RNF13: variants seen among roughly 807,000 people sequenced by gnomAD.
The protein encoded by RNF13 is E3 ubiquitin-protein ligase RNF13.
RNF13 carries 19 observed loss-of-function variants against 37.7 expected under a neutral mutation model. The observed-to-expected ratio is 0.50, with a 90% CI of 0.35 to 0.74. RNF13 has a LOEUF of 0.74. Ranked by LOEUF, RNF13 falls within the 30% of genes least tolerant of loss-of-function variation. The pLI, the probability that RNF13 is intolerant of heterozygous loss-of-function variation, is 0.01. For missense variants in RNF13, 375 were observed against 453.0 expected (o/e 0.83, Z 1.56); for synonymous variants, 144 against 157.8 (o/e 0.91, Z 0.65).
At chr3:149,836,258 C>A (rs1302761816) in intron 1 of RNF13, among the ~76,000 whole-genome samples, 1 of 151,906 alleles carries the variant, frequency 6.6e-6, no homozygotes, top group Admixed American at 6.6e-5. Context: ...TGGCAAAAAA[C>A]CAAGCAACCC....
At chr3:149,902,528 A>G (rs191185751) in intron 6 of RNF13, among the ~76,000 whole-genome samples, 90 of 152,240 alleles carry the variant, frequency 5.9e-4, no homozygotes, top group African/African-American at 2.1e-3. Context: ...TATATATTAT[A>G]AACACAGAAT....
chr3:149,926,181 T>G (rs924717859), intron 8 of RNF13, among the ~76,000 whole-genome samples: 7 of 152,186 alleles, frequency 4.6e-5, no homozygotes, highest in African/African-American at 1.7e-4. Context: ...TTGCCTTTCA[T>G]GGTAGTATTC....
chr3:149,834,058 A>G (rs1313090734), intron 1 of RNF13, among the ~76,000 whole-genome samples: 2 of 152,208 alleles, frequency 1.3e-5, no homozygotes, highest in African/African-American at 2.4e-5. Flanking sequence ...AATTAAACCA[A>G]GGAGGTGGAA....
intron 4 of RNF13, among the ~76,000 whole-genome samples, chr3:149,873,607 C>T (rs935024371): frequency 6.6e-6 from 1 of 152,136 alleles, no homozygotes; most frequent in Non-Finnish European, 1.5e-5. Flanking sequence ...TACATTTGTG[C>T]CTTTACATGT....
intron 8 of RNF13, among the ~76,000 whole-genome samples, chr3:149,938,547 A>G (rs1719939634): frequency 6.6e-6 from 1 of 150,600 alleles, no homozygotes; most frequent in African/African-American, 2.5e-5. Context: ...TCTATCTGTG[A>G]TGATTTTTCT....
chr3:149,890,599 A>G (rs894973522), intron 4 of RNF13, among the ~76,000 whole-genome samples: 1 of 152,226 alleles, frequency 6.6e-6, no homozygotes, highest in Non-Finnish European at 1.5e-5. Context: ...TTGCATGTCT[A>G]ATAAAAGTAG....
intron 8 of RNF13, among the ~76,000 whole-genome samples, chr3:149,929,290 G>A (rs1039961485): frequency 6.6e-6 from 1 of 152,168 alleles, no homozygotes; most frequent in Non-Finnish European, 1.5e-5. Context: ...GCAAGCAGGG[G>A]AGATGCCAGA....
chr3:149,822,323 C>T (rs762776349), intron 1 of RNF13, among the ~76,000 whole-genome samples: 5 of 151,950 alleles, frequency 3.3e-5, no homozygotes, highest in Admixed American at 1.3e-4. Flanking sequence ...TTATAGTTTT[C>T]GGTGTACAAG....
intron 6 of RNF13, among the ~76,000 whole-genome samples, chr3:149,910,287 A>G (rs1212398260): frequency 6.6e-6 from 1 of 152,166 alleles, no homozygotes; most frequent in Non-Finnish European, 1.5e-5. Flanking sequence ...TTTCTTTTTT[A>G]CACTGATGAT....
intron 5 of RNF13, among the ~76,000 whole-genome samples, chr3:149,900,511 C>CTG (rs1183843519): frequency 6.6e-6 from 1 of 151,912 alleles, no homozygotes; most frequent in Admixed American, 6.6e-5. Flanking sequence ...GAGTTACAGG[C>CTG]TGTAGTACAC....
chr3:149,919,893 C>G (rs1044491120), intron 7 of RNF13, among the ~76,000 whole-genome samples: 5 of 152,136 alleles, frequency 3.3e-5, no homozygotes, highest in African/African-American at 1.2e-4. Flanking sequence ...CCTCCACTTC[C>G]GTGCCAACGC....
chr3:149,927,394 G>A (rs1718756561), intron 8 of RNF13, among the ~76,000 whole-genome samples: 1 of 152,194 alleles, frequency 6.6e-6, no homozygotes, highest in African/African-American at 2.4e-5. Context: ...TCTATTAGCG[G>A]ATACGAGTTG....
chr3:149,845,827 T>C, intron 1 of RNF13, 184 bp from the exon 2 acceptor site: 1 of 491,648 alleles, frequency 2.0e-6, no homozygotes, highest in Non-Finnish European at 3.6e-6. Context: ...TAAACATGGG[T>C]GTTTACCTAA....
intron 3 of RNF13, among the ~76,000 whole-genome samples, chr3:149,853,835 T>C (rs886347436): frequency 1.8e-5 from 2 of 110,176 alleles, no homozygotes; most frequent in African/African-American, 8.1e-5. Flanking sequence ...AAAATTTCTC[T>C]TTTTTTTTTT....
At chr3:149,940,326 C>T (rs963423271) in intron 8 of RNF13, among the ~76,000 whole-genome samples, 5 of 152,098 alleles carry the variant, frequency 3.3e-5, no homozygotes, top group Admixed American at 6.5e-5. Flanking sequence ...CTAATTTCTA[C>T]CCTCCATCCC....
chr3:149,815,808 A>G (rs1326896495), intron 1 of RNF13, among the ~76,000 whole-genome samples: 2 of 152,234 alleles, frequency 1.3e-5, no homozygotes, highest in Non-Finnish European at 2.9e-5. Context: ...TGTAGCTAAT[A>G]TTGATTGGTT....
At chr3:149,884,033 G>A (rs1043027432) in intron 4 of RNF13, among the ~76,000 whole-genome samples, 12 of 152,046 alleles carry the variant, frequency 7.9e-5, no homozygotes, top group South Asian at 6.2e-4. Flanking sequence ...ACATGATCTC[G>A]TTCCTTTTTA....
intron 1 of RNF13, among the ~76,000 whole-genome samples, chr3:149,832,188 A>G (rs1032589871): frequency 2.5e-4 from 38 of 152,240 alleles, no homozygotes; most frequent in African/African-American, 9.1e-4. Flanking sequence ...TAGTAGTGGA[A>G]TATTTTGGTC....
intron 8 of RNF13, among the ~76,000 whole-genome samples, chr3:149,922,664 C>G (rs1287856993): frequency 6.6e-6 from 1 of 152,120 alleles, no homozygotes; most frequent in Non-Finnish European, 1.5e-5. Flanking sequence ...TATATATCAT[C>G]ACTTATATAT....
Sources: gnomAD v4.1 joint callset for allele counts (sites outside exome capture counted in the v4.1 genomes callset) on GRCh38, gnomAD v4.1.1 for gene constraint, MANE v1.5 for transcripts, NCBI Gene and HGNC (gene_info 2026-07-23, HGNC 2026-07-21) for gene names.